Variants in CLPSL2 observed in about 807,000 individuals in gnomAD.
CLPSL2 encodes the protein colipase-like protein 2.
A neutral mutation model predicts 7.9 loss-of-function variants in CLPSL2; 4 were observed. That is an observed-to-expected ratio of 0.50 (90% CI 0.25 to 1.15). CLPSL2 has a LOEUF of 1.15. Among genes scored for constraint, CLPSL2 ranks in the 50% most tolerant of loss-of-function variants. CLPSL2 has a pLI of 0.15. For synonymous variants in CLPSL2, 67 were observed against 53.1 expected, an observed-to-expected ratio of 1.26 and a Z score of -1.14; for missense variants, 132 against 136.6, an observed-to-expected ratio of 0.97 and a Z score of 0.17.
chr6:35,776,849 A>C, intron 1 of CLPSL2, 147 bp downstream of exon 1: 1 of 647,372 alleles, frequency 1.5e-6, no homozygotes, highest in Non-Finnish European at 2.3e-6. Flanking sequence ...GGGCATCCTC[A>C]GACGGACTTC....
At chr6:35,778,789 G>GTTTTTATTT (rs368697127) in intron 2 of CLPSL2, among the ~76,000 whole-genome samples, 2 of 152,048 alleles carry the variant, frequency 1.3e-5, no homozygotes, top group Admixed American at 6.6e-5. Context: ...TGGCTAGAGG[G>GTTTTTATTT]TTTTTATTTT....
intron 1 of CLPSL2, 140 bp from the exon 2 acceptor site, chr6:35,777,319 A>G (rs917857102): frequency 8.9e-5 from 80 of 895,478 alleles, no homozygotes; most frequent in Non-Finnish European, 1.3e-4. Flanking sequence ...TGGGGGGGGA[A>G]CCAGCCCCCC....
intron 2 of CLPSL2, among the ~76,000 whole-genome samples, chr6:35,778,878 C>T (rs1233625152): frequency 9.2e-5 from 14 of 152,124 alleles, no homozygotes; most frequent in Admixed American, 8.5e-4. Context: ...ACTGCAACCT[C>T]CACCTCCTGG....
rs559680579 is a variant in CLPSL2 at position 35,778,207 on chromosome 6, C to T, written c.207+626C>T. ...CTGACCTCAGGTGATCCACCTGGCTCGGCCTCCCAAGGTGCTGGGATTATA... is the reference window on the plus strand; with the variant it reads ...CTGACCTCAGGTGATCCACCTGGCTTGGCCTCCCAAGGTGCTGGGATTATA... On this transcript the variant is annotated intron_variant, in intron 2 of 2. Transcript: ENST00000403376. Among the ~76,000 whole-genome samples the T allele has an allele frequency of 5.3e-4, 81 of 152,316 alleles. 1 individual carries two copies. In the South Asian group the frequency reaches 0.016, roughly 30 times the overall value.
chr6:35,777,650 C>T, intron 2 of CLPSL2, 69 bp downstream of exon 2: 1 of 1,476,172 alleles, frequency 6.8e-7, no homozygotes, highest in Non-Finnish European at 9.1e-7. Context: ...AAAAAAACAC[C>T]TGGCCCCACC....
At chr6:35,778,088 T>C (rs1561937009) in intron 2 of CLPSL2, among the ~76,000 whole-genome samples, 1 of 152,294 alleles carries the variant, frequency 6.6e-6, no homozygotes, top group East Asian at 1.9e-4. Context: ...CCCGAGTAGC[T>C]GGGATTACAG....
At chr6:35,779,263 C>T in intron 2 of CLPSL2, 92 bp from the exon 3 acceptor site, 1 of 1,036,348 alleles carries the variant, frequency 9.6e-7, no homozygotes, top group Non-Finnish European at 1.4e-6. Context: ...TTACTCCAGG[C>T]CTGGTACTCT....
intron 2 of CLPSL2, among the ~76,000 whole-genome samples, chr6:35,778,368 T>A (rs930210370): frequency 6.6e-6 from 1 of 152,224 alleles, no homozygotes; most frequent in Non-Finnish European, 1.5e-5. Flanking sequence ...AGTGACATGA[T>A]TTCTTGAGAG....
intron 2 of CLPSL2, chr6:35,777,939 C>A: frequency 1.4e-6 from 1 of 716,562 alleles, no homozygotes; most frequent in South Asian, 1.5e-5. Context: ...AGTAGGTGCT[C>A]AATAAATGCT....
intron 1 of CLPSL2, chr6:35,776,954 C>T (rs955597142): frequency 4.6e-6 from 2 of 433,972 alleles, no homozygotes; most frequent in Non-Finnish European, 8.1e-6. Context: ...CGCCCGTGCC[C>T]CTTCCGATGG....
At position 35,777,591 on chromosome 6, in the gene CLPSL2, T is replaced by TGGCA. The variant is rs1767869936; in HGVS notation, c.207+10_207+11insGGCA. 6.2e-7 allele frequency: 1 copy of TGGCA among 1,608,748 alleles called. No individual in the cohort carries two copies. The highest frequency in any genetic ancestry group is 8.5e-7 in the Non-Finnish European group (1 of 1,177,564). On this transcript the variant is annotated intron_variant, in intron 2 of 2. Transcript: ENST00000403376. ...GATCTGCTTGCCCCAGGTGAGGCCC[T>TGGCA]AGTATGGGGCAACTTCTGGCAAGTA...
Position 35,777,572 on chromosome 6 carries a change from C to T in CLPSL2, c.198C>T (p.Cys66=), listed in dbSNP as rs766638950. The T allele has an allele frequency of 1.2e-6, 2 of 1,613,504 alleles. No homozygotes were observed. Among genetic ancestry groups the T allele is most frequent in the Admixed American group, 1.7e-5 (1 of 59,966 alleles). ...CAPRARITMI[C]LPQTKGATNI... The stretch of plus-strand genomic sequence containing the variant: ...CCAGGGCCAGAATAACCATGATCTG[C>T]TTGCCCCAGGTGAGGCCCTAGTATG... Residue 66 remains cysteine (C), a synonymous_variant, in exon 2 of 3, where the codon TGC becomes TGT. Coordinates refer to ENST00000403376, the MANE Select transcript of CLPSL2 (RefSeq NM_207409.4).
chr6:35,777,770 G>A (rs1767874136), intron 2 of CLPSL2, 189 bp downstream of exon 2: 1 of 731,584 alleles, frequency 1.4e-6, no homozygotes, highest in Non-Finnish European at 2.5e-6. Flanking sequence ...TCCCTCCTTG[G>A]AGCTCCTGTA....
At chr6:35,777,049 A>G (rs937940563) in intron 1 of CLPSL2, among the ~76,000 whole-genome samples, 5 of 148,672 alleles carry the variant, frequency 3.4e-5, no homozygotes, top group African/African-American at 1.2e-4. Flanking sequence ...CTCTTCTTCC[A>G]CCTCCTCTCA....
At chr6:35,777,855 T>C (rs1369453158) in intron 2 of CLPSL2, 1 of 717,740 alleles carries the variant, frequency 1.4e-6, no homozygotes, top group African/African-American at 1.7e-5. Context: ...TCCCAGTGGT[T>C]GGAACTCTTC....
intron 1 of CLPSL2, 148 bp from the exon 2 acceptor site, chr6:35,777,311 G>A (rs990652049): frequency 2.7e-5 from 22 of 807,556 alleles, no homozygotes; most frequent in Non-Finnish European, 4.3e-5. Context: ...GGTGGGGCTG[G>A]GGGGGGAACC....
Position 35,777,776 on chromosome 6 carries a change from C to CTGTA in CLPSL2, c.207+196_207+199dup. 3 of 733,250 alleles carry CTGTA rather than the reference C, an allele frequency of 4.1e-6. No individual in the cohort carries two copies. In the East Asian group the frequency reaches 8.0e-5, roughly 20 times the overall value. The allele number at this position is 733,250 out of a possible 1,614,324, so 45.4% of individuals were successfully genotyped here. A position where few individuals can be genotyped will look rare whatever the true frequency, so the allele number is the denominator to read the frequency against. On this transcript the variant is annotated intron_variant, in intron 2 of 2. Coordinates refer to ENST00000403376, the MANE Select transcript of CLPSL2 (RefSeq NM_207409.4). ...GAGAAGGCTTCCCTCCTTGGAGCTC[C>CTGTA]TGTACCCTGGGGTCAGACCCTCAGC...
Position 35,779,456 on chromosome 6 carries a change from G to T in CLPSL2, c.*6G>T. 1 of 1,570,830 alleles carries T rather than the reference G, an allele frequency of 6.4e-7. No homozygotes were observed. The highest frequency in any genetic ancestry group is 1.2e-5 in the South Asian group (1 of 85,232). ...GCCGGTGCCATATGATTTAGAGGAA[G>T]ATGCAGGCTGGTCACTGCTCCCTTG... On this transcript the variant is annotated 3_prime_UTR_variant, in exon 3 of 3. Transcript: ENST00000403376.
intron 2 of CLPSL2, among the ~76,000 whole-genome samples, chr6:35,778,885 C>T (rs1216251614): frequency 6.6e-6 from 1 of 152,072 alleles, no homozygotes. Flanking sequence ...CCTCCACCTC[C>T]TGGGTTCAAG....
Sources: allele counts gnomAD v4.1 joint callset (sites outside exome capture counted in the v4.1 genomes callset), GRCh38; gene constraint gnomAD v4.1.1; transcripts MANE v1.5; gene names NCBI Gene and HGNC (gene_info 2026-07-23, HGNC 2026-07-21).